The following ARMC3 variants were observed in gnomAD, a reference collection of about 807,000 sequenced individuals.
The protein encoded by ARMC3 is armadillo repeat containing 3.
ARMC3 carries 74 observed loss-of-function variants against 90.3 expected under a neutral mutation model. That is an observed-to-expected ratio of 0.82 (90% confidence interval 0.68 to 0.99). The LOEUF (loss-of-function observed/expected upper bound fraction) is 0.99, where lower values mean the gene tolerates loss of function less well. Ranked by LOEUF, ARMC3 falls within the 50% of genes least tolerant of loss-of-function variation. ARMC3 has a pLI of 0.00. For synonymous variants in ARMC3, 334 were observed against 361.8 expected, an observed-to-expected ratio of 0.92 and a Z score of 0.87; for missense variants, 958 against 1,042.8, an observed-to-expected ratio of 0.92 and a Z score of 1.12.
intron 7 of ARMC3, among the ~76,000 whole-genome samples, chr10:22,965,057 T>C (rs1835389441): frequency 6.6e-6 from 1 of 152,202 alleles, no homozygotes; most frequent in African/African-American, 2.4e-5. Context: ...ATATTAAGAA[T>C]TATATGTTCA....
At chr10:23,026,133 C>A (rs1838708768) in intron 16 of ARMC3, among the ~76,000 whole-genome samples, 1 of 151,974 alleles carries the variant, frequency 6.6e-6, no homozygotes, top group Non-Finnish European at 1.5e-5. Context: ...GTTTCATTGG[C>A]AAATTTCACC....
At chr10:22,928,771 G>A (rs573234555) in intron 1 of ARMC3, among the ~76,000 whole-genome samples, 4 of 152,292 alleles carry the variant, frequency 2.6e-5, no homozygotes, top group East Asian at 1.9e-4. Flanking sequence ...TATTTGTAAT[G>A]GCATGTTATG....
chr10:23,002,000 G>T lies in ARMC3; in HGVS notation c.1507G>T (p.Ala503Ser). The T allele has an allele frequency of 1.2e-6, 2 of 1,613,922 alleles. No homozygotes were observed. The highest frequency in any genetic ancestry group is 1.7e-6 in the Non-Finnish European group (2 of 1,179,856). Residue 503 changes from alanine (A) to serine (S), a missense_variant, in exon 12 of 19, where the codon GCA (alanine) becomes TCA (serine). Ala to Ser is a moderately conservative substitution (Grantham distance 99). Transcript: ENST00000298032. ...NDEVRKHASW[A>S]VMVCAGDELT... ...TGAAGTGAGGAAGCACGCCAGTTGG[G>T]CAGTGATGGTCTGTGCTGGTGACGA...
At chr10:22,961,474 A>C (rs1354825965) in intron 6 of ARMC3, 1 of 182,882 alleles carries the variant, frequency 5.5e-6, no homozygotes, top group East Asian at 1.8e-4. Flanking sequence ...ACTGCATGCT[A>C]ATAGGTATTT....
In ARMC3 at chr10:22,961,981, TCAAAA is replaced by T. The variant is rs768445121; in HGVS notation, c.637_641del (p.Lys213LeufsTer7). The T allele has an allele frequency of 6.2e-7, 1 of 1,612,846 alleles. No homozygotes were observed. The highest frequency in any genetic ancestry group is 2.2e-5 in the East Asian group (1 of 44,770). On this transcript the variant is annotated frameshift_variant, in exon 7 of 19. Transcript: ENST00000298032. LOFTEE classifies it high-confidence loss of function. ...TATCCAGTGATTCAGTTGTTGGCTC[TCAAAA>T]CCTTAGGTGTTATTGCAAATGATAA...
chr10:23,005,081 C>T (rs1036038444), intron 13 of ARMC3, among the ~76,000 whole-genome samples: 3 of 151,746 alleles, frequency 2.0e-5, no homozygotes, highest in East Asian at 1.9e-4. Context: ...GGCGTGGTGG[C>T]GGGTGCCTGT....
chr10:23,030,338 T>A (rs11013261), intron 16 of ARMC3, among the ~76,000 whole-genome samples: 18,106 of 152,134 alleles, frequency 0.12, 1,544 homozygotes, highest in African/African-American at 0.24. Context: ...AGCTCTCTGT[T>A]TCTGTGGGTT....
At chr10:23,018,473 G>C (rs76792405) in intron 16 of ARMC3, among the ~76,000 whole-genome samples, 1,745 of 151,276 alleles carry the variant, frequency 0.012, 37 homozygotes, top group African/African-American at 0.041. Flanking sequence ...AACCAAAAAG[G>C]CATCTATAAT....
At chr10:22,958,548 C>CATGT (rs1835050311) in intron 4 of ARMC3, among the ~76,000 whole-genome samples, 1 of 152,152 alleles carries the variant, frequency 6.6e-6, no homozygotes, top group Non-Finnish European at 1.5e-5. Context: ...GAAGGAAGTA[C>CATGT]AGCTCATGAT....
intron 6 of ARMC3, chr10:22,960,753 C>G (rs960802444): frequency 6.6e-6 from 1 of 152,272 alleles, no homozygotes; most frequent in African/African-American, 2.4e-5. Flanking sequence ...AAACTACAGA[C>G]AGTCACAGTT....
chr10:23,011,466 A>G (rs910469488), intron 16 of ARMC3, among the ~76,000 whole-genome samples: 4 of 152,186 alleles, frequency 2.6e-5, no homozygotes, highest in African/African-American at 9.7e-5. Context: ...AACCAGTGTC[A>G]GTTTCTGTTG....
chr10:22,993,435 A>T (rs1836800685), intron 10 of ARMC3, among the ~76,000 whole-genome samples: 1 of 152,246 alleles, frequency 6.6e-6, no homozygotes, highest in Non-Finnish European at 1.5e-5. Flanking sequence ...AACCAATTTC[A>T]AGAGCAGCTG....
At chr10:22,986,110 G>GCCCCCCCCCC (rs147031860) in intron 10 of ARMC3, among the ~76,000 whole-genome samples, 9 of 101,582 alleles carry the variant, frequency 8.9e-5, no homozygotes, top group Admixed American at 1.3e-4. Flanking sequence ...TGCACTGCAC[G>GCCCCCCCCCC]CCCCCCCCCC....
At position 23,003,317 on chromosome 10, in the gene ARMC3, A is replaced by C. The variant is rs569312673; in HGVS notation, c.1634A>C (p.Asn545Thr). ...AATAAATTCAGTGAGGCAGCTTATA[A>C]TAAGTTGCTCAATAACAATCTTTCC... ...RKNKFSEAAY[N>T]KLLNNNLSLK... is the part of the protein sequence containing the mutation. Residue 545 changes from asparagine to threonine, a missense_variant, in exon 13 of 19, where the codon AAT becomes ACT. Physicochemically the swap from Asn to Thr is moderately conservative, Grantham distance 65. Coordinates refer to ENST00000298032, the MANE Select transcript of ARMC3 (RefSeq NM_173081.5). 1.7e-5 allele frequency: 28 copies of C among 1,613,810 alleles called. No individual in the cohort carries two copies. In the South Asian group the frequency reaches 2.9e-4, roughly 16 times the overall value.
At chr10:23,006,520 C>T (rs1457371248) in intron 13 of ARMC3, among the ~76,000 whole-genome samples, 2 of 152,210 alleles carry the variant, frequency 1.3e-5, no homozygotes, top group African/African-American at 4.8e-5. Flanking sequence ...GATACACTCA[C>T]AACACTTTTA....
chr10:23,033,087 G>A, intron 18 of ARMC3, 64 bp downstream of exon 18: 3 of 1,495,206 alleles, frequency 2.0e-6, no homozygotes, highest in East Asian at 2.3e-5. Flanking sequence ...TCATACTGGA[G>A]TAGGCCAGTT....
At chr10:23,004,852 G>A (rs1367217536) in intron 13 of ARMC3, among the ~76,000 whole-genome samples, 1 of 152,038 alleles carries the variant, frequency 6.6e-6, no homozygotes, top group Non-Finnish European at 1.5e-5. Context: ...TTGCTCCCAG[G>A]AAGCCCATCT....
In ARMC3 at chr10:23,004,944, T is replaced by C. The variant is rs369415653; in HGVS notation, c.1731+1530T>C. On this transcript the variant is annotated intron_variant, in intron 13 of 18. Transcript: ENST00000298032. ...AGAAAACCAAGAGGGGGGCCGGGCG[T>C]GGTGGCTCACGCCTGTAATCCCAGC... Among the ~76,000 whole-genome samples the C allele has an allele frequency of 3.7e-4, 56 of 151,908 alleles. 1 individual carries two copies. Among genetic ancestry groups the C allele is most frequent in the Admixed American group, 6.6e-4 (10 of 15,266 alleles).
chr10:23,012,382 C>T (rs1268061323), intron 16 of ARMC3, among the ~76,000 whole-genome samples: 6 of 152,086 alleles, frequency 3.9e-5, no homozygotes, highest in African/African-American at 1.4e-4. Flanking sequence ...CCGTAAATAT[C>T]AATGTTCTCC....
Sources: allele counts gnomAD v4.1 joint callset (sites outside exome capture counted in the v4.1 genomes callset), GRCh38; gene constraint gnomAD v4.1.1; transcripts MANE v1.5; gene names NCBI Gene and HGNC (gene_info 2026-07-23, HGNC 2026-07-21).